PICK1: variants seen among roughly 807,000 people sequenced by gnomAD.
PICK1 encodes the protein protein interacting with PRKCA 1.
PICK1 carries 23 observed loss-of-function variants against 48.9 expected under a neutral mutation model. The ratio of observed to expected loss-of-function variants is 0.47; its 90% CI spans 0.34 to 0.67. The LOEUF (loss-of-function observed/expected upper bound fraction) is 0.67. Ranked by LOEUF, PICK1 falls within the 30% of genes least tolerant of loss-of-function variation. The pLI is 0.01. For synonymous variants in PICK1, 217 were observed against 228.2 expected (o/e 0.95, Z 0.44); for missense variants, 423 against 557.1 (o/e 0.76, Z 2.42).
At chr22:38,058,569 G>A (rs920908567) in intron 2 of PICK1, among the ~76,000 whole-genome samples, 1 of 152,016 alleles carries the variant, frequency 6.6e-6, no homozygotes, top group African/African-American at 2.4e-5. Flanking sequence ...GAAAGGGAAG[G>A]GGGACCTATT....
intron 3 of PICK1, 139 bp downstream of exon 3, chr22:38,059,484 TG>T: frequency 1.5e-6 from 1 of 686,112 alleles, no homozygotes; most frequent in Non-Finnish European, 2.7e-6. Context: ...TCTGACCACC[TG>T]CGCTGCGTTG....
rs769587321 is a variant in PICK1 at position 38,075,008 on chromosome 22, A to G, written c.1124A>G (p.Gln375Arg). 30 of 1,613,496 alleles carry G rather than the reference A, an allele frequency of 1.9e-5. No homozygotes were observed. The highest frequency in any genetic ancestry group is 2.1e-5 in the Non-Finnish European group (25 of 1,180,020). Residue 375 changes from glutamine (Q) to arginine (R), a missense_variant, in exon 13 of 13, where the codon CAG becomes CGG. This residue lies in a region of PICK1 where 144 missense variants were observed against 139.3 expected (regional missense o/e 1.03). Coordinates refer to ENST00000356976, the MANE Select transcript of PICK1 (RefSeq NM_012407.4). Reference sequence around the variant, plus strand: ...ACCACATTGGCCTATGGCCTCAACCAGGAGGAGTTCACAGATGGGGAGGAG... The same window carrying G: ...ACCACATTGGCCTATGGCCTCAACCGGGAGGAGTTCACAGATGGGGAGGAG... Reference protein sequence around the residue: ...AHTTLAYGLNQEEFTDGEEEE... With the variant: ...AHTTLAYGLNREEFTDGEEEE...
At chr22:38,064,738 C>T (rs921432532) in intron 3 of PICK1, among the ~76,000 whole-genome samples, 2 of 152,066 alleles carry the variant, frequency 1.3e-5, no homozygotes, top group African/African-American at 2.4e-5. Context: ...CCAGCCTGGG[C>T]AACAAGAGCG....
At chr22:38,065,302 C>G in intron 4 of PICK1, 172 bp downstream of exon 4, 1 of 687,736 alleles carries the variant, frequency 1.5e-6, no homozygotes, top group Non-Finnish European at 2.6e-6. Flanking sequence ...ATCCCTCATT[C>G]ATTCAATAAA....
chr22:38,067,307 C>CTTTT lies in PICK1; in HGVS notation c.283-380_283-377dup, dbSNP rs33993578. Among the ~76,000 whole-genome samples the CTTTT allele has an allele frequency of 7.6e-4, 84 of 110,622 alleles. 1 individual carries two copies. The highest frequency in any genetic ancestry group is 1.4e-3 in the African/African-American group (40 of 27,662). 72.6% of individuals were successfully genotyped at this position (110,622 alleles called of 152,430 possible). ...CTGGCCCTTACTGGGGCTTAGGATT[C>CTTTT]TTTTTTTTTTTTTTTTTTTTGAGAC... On this transcript the variant is annotated intron_variant, in intron 4 of 12. Coordinates refer to ENST00000356976, the MANE Select transcript of PICK1 (RefSeq NM_012407.4).
Position 38,074,895 on chromosome 22 carries a change from C to G in PICK1, c.1011C>G (p.Leu337=), listed in dbSNP as rs2145887152. The G allele has an allele frequency of 1.2e-6, 2 of 1,613,268 alleles. No homozygotes were observed. The highest frequency in any genetic ancestry group is 1.7e-6 in the Non-Finnish European group (2 of 1,180,020). ...ACATCGTGTTCCAGCTGCAGCGCCT[C>G]GTGTCCACCATGTCCAAGTACTACA... ...VQDIVFQLQR[L]VSTMSKYYND... Residue 337 remains leucine, a synonymous_variant, in exon 13 of 13, where the codon CTC becomes CTG. Transcript: ENST00000356976. This position sits in a 1 kb window ranked among gnomAD's most constrained non-coding sequence, Gnocchi z 4.5.
At chr22:38,057,971 A>C in intron 2 of PICK1, 121 bp downstream of exon 2, 1 of 811,098 alleles carries the variant, frequency 1.2e-6, no homozygotes, top group East Asian at 2.5e-5. Flanking sequence ...GTACTGAAGC[A>C]GCAATGGACC....
In PICK1 at chr22:38,074,901, C is replaced by T; in HGVS notation, c.1017C>T (p.Ser339=). ...DIVFQLQRLV[S]TMSKYYNDCY... ...TGTTCCAGCTGCAGCGCCTCGTGTC[C>T]ACCATGTCCAAGTACTACAACGACT... Residue 339 remains serine (S), a synonymous_variant, in exon 13 of 13, where the codon TCC becomes TCT. Coordinates refer to ENST00000356976, the MANE Select transcript of PICK1 (RefSeq NM_012407.4). This position sits in a 1 kb window ranked among gnomAD's most constrained non-coding sequence, Gnocchi z 4.5. 9 of 1,613,404 alleles carry T rather than the reference C, an allele frequency of 5.6e-6. No homozygotes were observed. Among genetic ancestry groups the T allele is most frequent in the Admixed American group, 1.7e-5 (1 of 60,028 alleles).
At chr22:38,070,140 C>A (rs2085641460) in intron 6 of PICK1, among the ~76,000 whole-genome samples, 1 of 152,228 alleles carries the variant, frequency 6.6e-6, no homozygotes, top group Non-Finnish European at 1.5e-5. Context: ...GGCCTGAACA[C>A]AGCCTCCGCT....
intron 3 of PICK1, among the ~76,000 whole-genome samples, chr22:38,064,167 C>T (rs899856419): frequency 6.6e-5 from 10 of 152,044 alleles, no homozygotes; most frequent in African/African-American, 2.4e-4. Context: ...AAGCGATTCT[C>T]CTGCCTCAGC....
chr22:38,071,555 TG>T (rs1053686342), intron 7 of PICK1, 126 bp from the exon 8 acceptor site: 13 of 857,962 alleles, frequency 1.5e-5, no homozygotes, highest in African/African-American at 1.2e-4. Flanking sequence ...GGTTGGGCGG[TG>T]GGGAAAGGCC....
Position 38,075,015 on chromosome 22 carries a change from G to T in PICK1, c.1131G>T (p.Glu377Asp). 1 of 1,613,640 alleles carries T rather than the reference G, an allele frequency of 6.2e-7. No homozygotes were observed. Among genetic ancestry groups the T allele is most frequent in the Non-Finnish European group, 8.5e-7 (1 of 1,180,022 alleles). The change falls in exon 13 of 13, where the codon GAG becomes GAT. Residue 377 changes from glutamate (E) to aspartate (D), a missense_variant. Transcript: ENST00000356976. ...TTLAYGLNQE[E>D]FTDGEEEEEE... ...TGGCCTATGGCCTCAACCAGGAGGA[G>T]TTCACAGATGGGGAGGAGGAGGAGG...
rs2085765708 is a variant in PICK1 at position 38,073,968 on chromosome 22, C to T, written c.834+145C>T. ...AGATTTAGGGCCATCTTCCCAGTCC[C>T]GCTCGCTGGGCCTCGGGGTGCTGGG... is the stretch of plus-strand genomic sequence containing the variant. On this transcript the variant is annotated intron_variant, in intron 11 of 12. Coordinates refer to ENST00000356976, the MANE Select transcript of PICK1 (RefSeq NM_012407.4). The surrounding 1 kb of genome is among the most constrained non-coding windows in gnomAD (Gnocchi z 5.7). The T allele has an allele frequency of 3.6e-5, 30 of 836,302 alleles. No homozygotes were observed. In the Admixed American group the frequency reaches 3.7e-4, roughly 10 times the overall value. The allele number at this position is 836,302 out of a possible 1,614,324, so 51.8% of individuals were successfully genotyped here. A position where few individuals can be genotyped will look rare whatever the true frequency, so the allele number is the denominator to read the frequency against.
intron 2 of PICK1, 182 bp downstream of exon 2, chr22:38,058,032 G>A: frequency 4.4e-6 from 3 of 678,930 alleles, no homozygotes; most frequent in Middle Eastern, 2.5e-4. Flanking sequence ...CAGTTAAAGG[G>A]ATAATCACAG....
intron 4 of PICK1, among the ~76,000 whole-genome samples, chr22:38,067,238 G>T (rs1487875923): frequency 6.6e-6 from 1 of 151,884 alleles, no homozygotes; most frequent in Non-Finnish European, 1.5e-5. Flanking sequence ...AGGGGCCTGG[G>T]ATCAGACAGG....
intron 3 of PICK1, among the ~76,000 whole-genome samples, chr22:38,060,587 C>A (rs1440182285): frequency 2.0e-5 from 3 of 152,116 alleles, no homozygotes; most frequent in Non-Finnish European, 4.4e-5. Flanking sequence ...GTGCTGCCTC[C>A]TTCATGAGCC....
chr22:38,071,849 C>A, intron 8 of PICK1, 105 bp downstream of exon 8: 1 of 975,106 alleles, frequency 1.0e-6, no homozygotes, highest in Non-Finnish European at 1.7e-6. Context: ...CTCAGGCTCC[C>A]TCTGGGCTGG....
chr22:38,070,782 G>C, intron 6 of PICK1, 56 bp from the exon 7 acceptor site: 1 of 1,502,208 alleles, frequency 6.7e-7, no homozygotes, highest in Non-Finnish European at 9.3e-7. Context: ...CATGGCCCTG[G>C]GCCTCCTGTG....
Position 38,074,965 on chromosome 22 carries a change from G to A in PICK1, c.1081G>A (p.Glu361Lys), listed in dbSNP as rs1447089053. The A allele has an allele frequency of 1.9e-6, 3 of 1,613,744 alleles. No homozygotes were observed. The highest frequency in any genetic ancestry group is 2.2e-5 in the East Asian group (1 of 44,876). The change falls in exon 13 of 13, where the codon GAG (glutamate) becomes AAG (lysine). Residue 361 changes from glutamate to lysine, a missense_variant. Coordinates refer to ENST00000356976, the MANE Select transcript of PICK1 (RefSeq NM_012407.4). The surrounding 1 kb of genome is among the most constrained non-coding windows in gnomAD (Gnocchi z 4.5). ...VLRDADVFPI[E>K]VDLAHTTLAY... ...GCGGGATGCCGACGTCTTCCCCATC[G>A]AGGTAGACCTGGCGCACACCACATT...
Sources: allele counts gnomAD v4.1 joint callset (sites outside exome capture counted in the v4.1 genomes callset), GRCh38; gene constraint gnomAD v4.1.1; regional missense constraint gnomAD v4.1.1; non-coding constraint Gnocchi (gnomAD v3.1); transcripts MANE v1.5; gene names NCBI Gene and HGNC (gene_info 2026-07-23, HGNC 2026-07-21).